Variants in CTPS1 observed in about 807,000 individuals in gnomAD.
CTPS1 encodes CTP synthetase 1.
Under a neutral mutation model 80.5 loss-of-function variants are expected in CTPS1, and 25 were observed. The ratio of observed to expected loss-of-function variants is 0.31; its 90% CI spans 0.23 to 0.43. CTPS1 has a LOEUF of 0.43. CTPS1 is among the 20% of genes least tolerant of loss of function. CTPS1 has a pLI of 1.00. For synonymous variants in CTPS1, 267 were observed against 252.5 expected, an observed-to-expected ratio of 1.06 and a Z score of -0.54; for missense variants, 442 against 725.7, an observed-to-expected ratio of 0.61 and a Z score of 4.49.
chr1:40,980,085 C>G (rs1239023520), intron 1 of CTPS1: 1 of 150,938 alleles, frequency 6.6e-6, no homozygotes, highest in African/African-American at 2.4e-5. Flanking sequence ...AGGGGCCAAG[C>G]GGGGCGCGGG....
At position 41,007,468 on chromosome 1, in the gene CTPS1, A is replaced by G; in HGVS notation, c.1316A>G (p.His439Arg). Residue 439 changes from histidine to arginine, a missense_variant, in exon 14 of 19, where the codon CAC becomes CGC. By Grantham distance (29) the His-to-Arg change is conservative. This residue lies in a region of CTPS1 where 321 missense variants were observed against 467.2 expected (regional missense o/e 0.69). Transcript: ENST00000650070. This position sits in a 1 kb window ranked among gnomAD's most constrained non-coding sequence, Gnocchi z 4.4. ...CTCCAGGTCGTAGACATGCCAGAACACAACCCAGGGCAGATGGGCGGAACC... is the reference window on the plus strand; with the variant it reads ...CTCCAGGTCGTAGACATGCCAGAACGCAACCCAGGGCAGATGGGCGGAACC... The part of the protein sequence containing the change: ...SHPVVVDMPE[H>R]NPGQMGGTMR... The G allele has an allele frequency of 6.2e-7, 1 of 1,614,120 alleles. No individual in the cohort carries two copies. Among genetic ancestry groups the G allele is most frequent in the Non-Finnish European group, 8.5e-7 (1 of 1,180,028 alleles).
In CTPS1 at chr1:41,007,442, T is replaced by C. The variant is rs750945368; in HGVS notation, c.1297-7T>C. ...GTAGTTGGTGTCTGTTTTCTGAACA[T>C]CTCCAGGTCGTAGACATGCCAGAAC... On this transcript the variant is annotated splice_region_variant and splice_polypyrimidine_tract_variant and intron_variant, in intron 13 of 18. Coordinates refer to ENST00000650070, the MANE Select transcript of CTPS1 (RefSeq NM_001905.4). This position sits in a 1 kb window ranked among gnomAD's most constrained non-coding sequence, Gnocchi z 4.4. 7.9e-5 allele frequency: 127 copies of C among 1,613,644 alleles called. 1 individual carries two copies. The South Asian group carries it at 8.8e-4, about 11-fold the overall frequency.
In CTPS1 at chr1:41,003,194, C is replaced by G. The variant is rs778906098; in HGVS notation, c.1252+18C>G. ...ATGGCAAGGTAAGCGTGCATTAAGA[C>G]ACTCATTCAATTCCCGCTTGTGTAT... On this transcript the variant is annotated intron_variant, in intron 12 of 18. Coordinates refer to ENST00000650070, the MANE Select transcript of CTPS1 (RefSeq NM_001905.4). 1 of 1,613,618 alleles carries G rather than the reference C, an allele frequency of 6.2e-7. No homozygotes were observed. The highest frequency in any genetic ancestry group is 1.7e-5 in the Admixed American group (1 of 60,024).
intron 3 of CTPS1, among the ~76,000 whole-genome samples, chr1:40,986,282 A>G (rs114413837): frequency 0.013 from 2,018 of 152,386 alleles, 52 homozygotes; most frequent in Admixed American, 0.057. Context: ...GGCCAGTCAC[A>G]GCGAGAGTGG....
At chr1:40,987,325 A>G (rs770147683) in intron 3 of CTPS1, 47 bp from the exon 4 acceptor site, 7 of 1,366,850 alleles carry the variant, frequency 5.1e-6, no homozygotes, top group Admixed American at 3.4e-5. Context: ...GTCTCAATCA[A>G]TGTAGATGGA....
chr1:40,984,741 G>C, intron 2 of CTPS1, 80 bp from the exon 3 acceptor site: 1 of 1,104,940 alleles, frequency 9.1e-7, no homozygotes, highest in African/African-American at 1.6e-5. Flanking sequence ...TTGTTAATGA[G>C]TGTTTTATTT....
chr1:40,998,416 A>AC lies in CTPS1; in HGVS notation c.1005+890_1005+891insC, dbSNP rs1172183890. Among the ~76,000 whole-genome samples the AC allele has an allele frequency of 5.5e-4, 81 of 148,422 alleles. 2 individuals are homozygous for AC. Among genetic ancestry groups the AC allele is most frequent in the South Asian group, 1.3e-3 (6 of 4,716 alleles). ...CTGTCTAAAAAAAAAAAAAAAAAAAAAAAAAACATGGATGCCTGAGCCCGG... is the reference window on the plus strand; with the variant it reads ...CTGTCTAAAAAAAAAAAAAAAAAAAACAAAAAACATGGATGCCTGAGCCCGG... On this transcript the variant is annotated intron_variant, in intron 9 of 18. Transcript: ENST00000650070.
intron 1 of CTPS1, chr1:40,980,275 G>C (rs1651814524): frequency 6.6e-6 from 1 of 152,100 alleles, no homozygotes; most frequent in South Asian, 2.1e-4. Flanking sequence ...AAGCAGTGCG[G>C]GCCTCGGGCC....
In CTPS1 at chr1:40,997,472, C is replaced by T; in HGVS notation, c.951C>T (p.Val317=). The T allele has an allele frequency of 6.2e-7, 1 of 1,614,218 alleles. No homozygotes were observed. Among genetic ancestry groups the T allele is most frequent in the Non-Finnish European group, 8.5e-7 (1 of 1,180,040 alleles). The stretch of plus-strand genomic sequence containing the variant: ...AGTTCTCAGACTCCTATGCCTCTGT[C>T]ATTAAGGCTCTGGAGCATTCTGCAC... The part of the protein sequence containing the change: ...YTKFSDSYAS[V]IKALEHSALA... Residue 317 remains valine, a synonymous_variant, in exon 9 of 19, where the codon GTC becomes GTT. Transcript: ENST00000650070.
chr1:40,987,305 A>G, intron 3 of CTPS1, 67 bp from the exon 4 acceptor site: 1 of 1,144,612 alleles, frequency 8.7e-7, no homozygotes, highest in Non-Finnish European at 1.3e-6. Flanking sequence ...TTTTCACAGT[A>G]AGTGCATTTG....
In CTPS1 at chr1:41,000,810, T is replaced by A. The variant is rs114364392; in HGVS notation, c.1006-219T>A. On this transcript the variant is annotated intron_variant, in intron 9 of 18. Coordinates refer to ENST00000650070, the MANE Select transcript of CTPS1 (RefSeq NM_001905.4). Reference sequence around the variant, plus strand: ...GAGAGAGATTTGGGAATTTAATGATTTTGAAGGAAACTGTTGTATTTTAAA... The same window carrying A: ...GAGAGAGATTTGGGAATTTAATGATATTGAAGGAAACTGTTGTATTTTAAA... 438 of 261,366 alleles carry A rather than the reference T, an allele frequency of 1.7e-3. 1 individual carries two copies. Among genetic ancestry groups the A allele is most frequent in the African/African-American group, 9.4e-3 (417 of 44,162 alleles). The allele number at this position is 261,366 out of a possible 1,614,324, so 16.2% of individuals were successfully genotyped here. A position where few individuals can be genotyped will look rare whatever the true frequency, so the allele number is the denominator to read the frequency against.
rs765840007 is a variant in CTPS1 at position 40,984,959 on chromosome 1, G to A, written c.305G>A (p.Arg102Gln). ...KIYQYVINKE[R>Q]KGDYLGKTVQ... ...TACCAGTATGTCATTAACAAGGAAC[G>A]GAAAGGAGATTACTTGGGGAAAACT... Residue 102 changes from arginine to glutamine, a missense_variant, in exon 3 of 19, where the codon CGG becomes CAG. By Grantham distance (43) the Arg-to-Gln change is conservative. Transcript: ENST00000650070. The A allele has an allele frequency of 1.3e-6, 2 of 1,587,064 alleles. No homozygotes were observed. The highest frequency in any genetic ancestry group is 1.1e-5 in the South Asian group (1 of 87,820).
intron 9 of CTPS1, 87 bp downstream of exon 9, chr1:40,997,613 T>C: frequency 6.9e-7 from 1 of 1,446,118 alleles, no homozygotes; most frequent in Non-Finnish European, 9.3e-7. Context: ...CTGCTTTCTG[T>C]TTGGAGCTCA....
In CTPS1 at chr1:40,997,403, C is replaced by T; in HGVS notation, c.882C>T (p.Arg294=). 6.2e-7 allele frequency: 1 copy of T among 1,613,448 alleles called. No individual in the cohort carries two copies. The highest frequency in any genetic ancestry group is 8.5e-7 in the Non-Finnish European group (1 of 1,179,760). ...KWKEMADRYD[R]LLETCSIALV... ...GACGTTTATTTGATAGATATGATCG[C>T]TTGCTGGAGACCTGCTCTATTGCCC... The change falls in exon 9 of 19, where the codon CGC becomes CGT. Residue 294 remains arginine, a synonymous_variant. Transcript: ENST00000650070.
chr1:40,984,050 A>G (rs1054399760), intron 2 of CTPS1, among the ~76,000 whole-genome samples: 2 of 152,136 alleles, frequency 1.3e-5, no homozygotes, highest in African/African-American at 2.4e-5. Context: ...TCGTACTCCT[A>G]CTCTCTAGCG....
intron 9 of CTPS1, among the ~76,000 whole-genome samples, chr1:40,998,396 TAAAAAAAAAAAAAAA>T (rs56282224): frequency 3.1e-5 from 2 of 64,588 alleles, no homozygotes; most frequent in African/African-American, 7.5e-5. Flanking sequence ...AGACTCTGTC[TAAAAAAAAAAAAAAA>T]AAAAAAAAAA....
intron 17 of CTPS1, 38 bp downstream of exon 17, chr1:41,009,627 C>T (rs1643120311): frequency 1.2e-6 from 2 of 1,612,042 alleles, no homozygotes; most frequent in Non-Finnish European, 1.7e-6. Flanking sequence ...CATTAGTCTT[C>T]TCTAGTCCTT....
chr1:40,986,548 T>C (rs1044520669), intron 3 of CTPS1, among the ~76,000 whole-genome samples: 4 of 152,198 alleles, frequency 2.6e-5, no homozygotes, highest in African/African-American at 9.7e-5. Context: ...TTTGACGCCA[T>C]GTGTGGAGTA....
rs1643098966 is a variant in CTPS1, at chr1:41,008,831, G to C, written c.1487G>C (p.Gly496Ala). The C allele has an allele frequency of 1.2e-6, 2 of 1,614,070 alleles. No individual in the cohort carries two copies. Among genetic ancestry groups the C allele is most frequent in the Non-Finnish European group, 1.7e-6 (2 of 1,180,038 alleles). ...TGGAAAAAGTGTTTGGAAGAACAAG[G>C]CTTGAAGTTTGTTGGCCAAGATGTT... is the stretch of plus-strand genomic sequence containing the variant. ...PVWKKCLEEQ[G>A]LKFVGQDVEG... The change falls in exon 16 of 19, where the codon GGC becomes GCC. Residue 496 changes from glycine (G) to alanine (A), a missense_variant. Gly to Ala is a moderately conservative substitution (Grantham distance 60). This residue lies in a region of CTPS1 where 321 missense variants were observed against 467.2 expected (regional missense o/e 0.69). Transcript: ENST00000650070.
Sources: gnomAD v4.1 joint callset for allele counts (sites outside exome capture counted in the v4.1 genomes callset) on GRCh38, gnomAD v4.1.1 for gene constraint, gnomAD v4.1.1 regional missense constraint, Gnocchi (gnomAD v3.1) non-coding constraint, MANE v1.5 for transcripts, NCBI Gene and HGNC (gene_info 2026-07-23, HGNC 2026-07-21) for gene names.